SYN3: variants seen among roughly 807,000 people sequenced by gnomAD.
SYN3 encodes synapsin-3.
A neutral mutation model predicts 65.8 loss-of-function variants in SYN3; 35 were observed. The ratio of observed to expected loss-of-function variants is 0.53; its 90% CI spans 0.41 to 0.70. The LOEUF is 0.70. Among genes scored for constraint, SYN3 ranks in the 30% least tolerant of loss-of-function variants. The pLI is 0.00. For synonymous variants in SYN3, 270 were observed against 292.9 expected (o/e 0.92, Z 0.80); for missense variants, 680 against 749.0 (o/e 0.91, Z 1.08).
At chr22:33,041,702 G>A (rs1230280335) in intron 1 of SYN3, among the ~76,000 whole-genome samples, 2 of 152,096 alleles carry the variant, frequency 1.3e-5, no homozygotes, top group Non-Finnish European at 2.9e-5. Flanking sequence ...TGCATGTCAT[G>A]CCTCTGCACA....
intron 3 of SYN3, among the ~76,000 whole-genome samples, chr22:32,971,107 T>C (rs534081150): frequency 3.9e-5 from 6 of 152,218 alleles, no homozygotes; most frequent in Non-Finnish European, 5.9e-5. Flanking sequence ...AAATGTTCAA[T>C]AAACTTTGCT....
chr22:32,954,849 T>C (rs1296595975), intron 3 of SYN3, among the ~76,000 whole-genome samples: 2 of 152,002 alleles, frequency 1.3e-5, no homozygotes, highest in Admixed American at 6.6e-5. Flanking sequence ...AATGTTTTTT[T>C]TTTTTTCCAA....
At chr22:32,774,443 A>T (rs2045856833) in intron 6 of SYN3, among the ~76,000 whole-genome samples, 1 of 152,066 alleles carries the variant, frequency 6.6e-6, no homozygotes. Context: ...GAGATAAGGA[A>T]GGACCCTCCT....
At chr22:32,739,185 G>A (rs5754241) in intron 6 of SYN3, among the ~76,000 whole-genome samples, 9,664 of 151,616 alleles carry the variant, frequency 0.064, 389 homozygotes, top group Non-Finnish European at 0.092. Context: ...GGGGGGGGGC[G>A]GTTTCCCCCA....
At chr22:32,802,116 G>A (rs2046604391) in intron 6 of SYN3, 1 of 1,582,460 alleles carries the variant, frequency 6.3e-7, no homozygotes, top group South Asian at 1.1e-5. Flanking sequence ...CTGCAACTCC[G>A]ACATCGGTAA....
At chr22:32,798,887 T>C (rs2046494929) in intron 6 of SYN3, among the ~76,000 whole-genome samples, 1 of 151,948 alleles carries the variant, frequency 6.6e-6, no homozygotes, top group Non-Finnish European at 1.5e-5. Flanking sequence ...CAGACGGGGT[T>C]TCACCATGTT....
Position 32,965,444 on chromosome 22 carries a change from G to T in SYN3, c.369+15201C>A, listed in dbSNP as rs146490967. 3.1e-3 allele frequency among the ~76,000 whole-genome samples: 465 copies of T among 152,074 alleles called. 3 individuals carry two copies. Among genetic ancestry groups the T allele is most frequent in the African/African-American group, 0.011 (450 of 41,450 alleles). ...TCTGGGTCCTTGGAGCACCTATTATGTACCGAATAAGTGTCCTGCCAGCCT... is the reference window on the plus strand; with the variant it reads ...TCTGGGTCCTTGGAGCACCTATTATTTACCGAATAAGTGTCCTGCCAGCCT... On this transcript the variant is annotated intron_variant, in intron 3 of 13. Transcript: ENST00000358763.
At chr22:33,009,841 T>TATATAATACATATATAAAGTATCAAAAC (rs2053307552) in intron 1 of SYN3, among the ~76,000 whole-genome samples, 1 of 151,770 alleles carries the variant, frequency 6.6e-6, no homozygotes, top group African/African-American at 2.4e-5. Context: ...GTCTTATATA[T>TATATAATACATATATAAAGTATCAAAAC]ATCTGCAGAT....
rs5998686 is a variant in SYN3, at chr22:32,985,257, C to T, written c.312-4555G>A. Among the ~76,000 whole-genome samples, 133 of 152,308 alleles carry T rather than the reference C, an allele frequency of 8.7e-4. 1 individual carries two copies. The highest frequency in any genetic ancestry group is 3.1e-3 in the African/African-American group (127 of 41,568). ...AAAGTATGTAGTCCATGGCCTGAAA[C>T]AGAATCCACAAGAGCAAAGAGCTAT... On this transcript the variant is annotated intron_variant, in intron 2 of 13. Transcript: ENST00000358763.
intron 7 of SYN3, among the ~76,000 whole-genome samples, chr22:32,566,857 G>C (rs374807295): frequency 6.6e-6 from 1 of 152,172 alleles, no homozygotes; most frequent in Non-Finnish European, 1.5e-5. Context: ...AGCGCCAGGA[G>C]TGAGAAGAAA....
At chr22:32,663,383 C>T (rs1462299618) in intron 6 of SYN3, among the ~76,000 whole-genome samples, 2 of 151,440 alleles carry the variant, frequency 1.3e-5, no homozygotes, top group African/African-American at 2.4e-5. Flanking sequence ...ACTGCAAGCT[C>T]CGCCTCCCGG....
chr22:32,733,340 C>A (rs768080535), intron 6 of SYN3, among the ~76,000 whole-genome samples: 11 of 152,122 alleles, frequency 7.2e-5, no homozygotes, highest in Non-Finnish European at 1.6e-4. Flanking sequence ...ATTTCTTGGG[C>A]CTAAAATGCT....
At chr22:32,956,218 C>T (rs1313859871) in intron 3 of SYN3, among the ~76,000 whole-genome samples, 1 of 142,294 alleles carries the variant, frequency 7.0e-6, no homozygotes, top group Non-Finnish European at 1.5e-5. Flanking sequence ...TGCAGAGGCA[C>T]GATCTTGGCT....
intron 7 of SYN3, among the ~76,000 whole-genome samples, chr22:32,569,563 C>CTATATATATA (rs373627613): frequency 1.0e-3 from 54 of 52,844 alleles, no homozygotes; most frequent in Non-Finnish European, 1.8e-3. Context: ...CTCTCTCTCT[C>CTATATATATA]TCTCTCTCTA....
chr22:32,510,845 T>C lies in SYN3; in HGVS notation c.*2847A>G, dbSNP rs1025943114. Among the ~76,000 whole-genome samples, 4 of 152,078 alleles carry C rather than the reference T, an allele frequency of 2.6e-5. No homozygotes were observed. Among genetic ancestry groups the C allele is most frequent in the East Asian group, 1.9e-4 (1 of 5,184 alleles). On this transcript the variant is annotated 3_prime_UTR_variant, in exon 14 of 14. Transcript: ENST00000358763. ...TCTGGTTCTTTCATCGTGTGACTTA[T>C]ACTAGTGATCCCTATCTTCTTGGGG...
chr22:32,937,091 C>T (rs1453761023), intron 3 of SYN3, among the ~76,000 whole-genome samples: 3 of 152,068 alleles, frequency 2.0e-5, no homozygotes, highest in South Asian at 2.1e-4. Flanking sequence ...TCACAAATTA[C>T]GAGGAATGCA....
chr22:32,520,138 T>C (rs867952289), intron 12 of SYN3, among the ~76,000 whole-genome samples: 4 of 152,132 alleles, frequency 2.6e-5, no homozygotes, highest in Non-Finnish European at 5.9e-5. Context: ...TATAGGTATG[T>C]ATGTATATAT....
At chr22:32,784,634 G>A (rs1488355979) in intron 6 of SYN3, among the ~76,000 whole-genome samples, 1 of 152,154 alleles carries the variant, frequency 6.6e-6, no homozygotes, top group Non-Finnish European at 1.5e-5. Flanking sequence ...ATGTGTTATG[G>A]TAAGCTGCAG....
At chr22:32,748,534 C>A (rs2045010118) in intron 6 of SYN3, among the ~76,000 whole-genome samples, 1 of 152,192 alleles carries the variant, frequency 6.6e-6, no homozygotes, top group Non-Finnish European at 1.5e-5. Context: ...TTCCCCTCTT[C>A]CTTTTCTTGG....
Sources: allele counts gnomAD v4.1 joint callset (sites outside exome capture counted in the v4.1 genomes callset), GRCh38; gene constraint gnomAD v4.1.1; transcripts MANE v1.5; gene names NCBI Gene and HGNC (gene_info 2026-07-23, HGNC 2026-07-21).